SMPD2: variants seen among roughly 807,000 people sequenced by gnomAD.
SMPD2 encodes sphingomyelin phosphodiesterase 2.
SMPD2 carries 35 observed loss-of-function variants against 41.7 expected under a neutral mutation model. The ratio of observed to expected loss-of-function variants is 0.84; its 90% confidence interval spans 0.64 to 1.11. The LOEUF (loss-of-function observed/expected upper bound fraction) is 1.11. SMPD2 is among the 50% of genes most tolerant of loss of function. The pLI, the probability that SMPD2 is intolerant of heterozygous loss-of-function variation, is 0.00. For missense variants in SMPD2, 520 were observed against 524.8 expected (o/e 0.99, Z 0.09); for synonymous variants, 201 against 208.2 (o/e 0.97, Z 0.30).
At chr6:109,441,481 C>G in intron 2 of SMPD2, 28 bp downstream of exon 2, 1 of 1,612,658 alleles carries the variant, frequency 6.2e-7, no homozygotes. Context: ...GGTGCGGAAC[C>G]CAGGCTGGGA....
chr6:109,441,572 C>T lies in SMPD2; in HGVS notation c.168C>T (p.Phe56=). The change falls in exon 3 of 10, where the codon TTC becomes TTT. Residue 56 remains phenylalanine, a synonymous_variant. Transcript: ENST00000258052. ...CTCAGGTGTGGAGTGAGCAGGACTT[C>T]CAGTACCTGAGACAGAAGCTGTCAC... ...LLEEVWSEQD[F]QYLRQKLSPT... 1 of 1,614,198 alleles carries T rather than the reference C, an allele frequency of 6.2e-7. No individual in the cohort carries two copies. The highest frequency in any genetic ancestry group is 8.5e-7 in the Non-Finnish European group (1 of 1,180,014).
At position 109,442,852 on chromosome 6, in the gene SMPD2, C is replaced by T; in HGVS notation, c.592C>T (p.His198Tyr). The T allele has an allele frequency of 1.2e-6, 2 of 1,613,570 alleles. No individual in the cohort carries two copies. Among genetic ancestry groups the T allele is most frequent in the East Asian group, 2.2e-5 (1 of 44,870 alleles). The change falls in exon 7 of 10, where the codon CAT (histidine) becomes TAT (tyrosine). Residue 198 changes from histidine (H) to tyrosine (Y), a missense_variant. Coordinates refer to ENST00000258052, the MANE Select transcript of SMPD2 (RefSeq NM_003080.3). The part of the protein sequence containing the change: ...CCLLKEWTGL[H>Y]DAYLETRDFK... ...CCTGCTGAAGGAGTGGACAGGGCTT[C>T]ATGATGCCTATCTTGAAACTCGGGA...
chr6:109,441,667 G>T, intron 3 of SMPD2, 39 bp downstream of exon 3: 1 of 1,589,072 alleles, frequency 6.3e-7, no homozygotes, highest in Non-Finnish European at 8.6e-7. Context: ...TGTCATCCCA[G>T]GAGGCTCTTG....
chr6:109,441,556 G>T lies in SMPD2; in HGVS notation c.152G>T (p.Trp51Leu). 1 of 1,614,176 alleles carries T rather than the reference G, an allele frequency of 6.2e-7. No homozygotes were observed. The highest frequency in any genetic ancestry group is 1.6e-4 in the Middle Eastern group (1 of 6,062). ...CATCCTCACCGCTTCCCTCAGGTGT[G>T]GAGTGAGCAGGACTTCCAGTACCTG... ...SFDLALLEEVWSEQDFQYLRQ... is the reference protein window; with the variant it reads ...SFDLALLEEVLSEQDFQYLRQ... Residue 51 changes from tryptophan to leucine, a missense_variant, in exon 3 of 10, where the codon TGG (tryptophan) becomes TTG (leucine). Trp to Leu is a moderately conservative substitution (Grantham distance 61). Transcript: ENST00000258052.
rs1368169955 is a variant in SMPD2 at position 109,442,999 on chromosome 6, T to C, written c.647T>C (p.Met216Thr). ...DFKGSEEGNTMVPKNCYVSQQ... is the reference protein window; with the variant it reads ...DFKGSEEGNTTVPKNCYVSQQ... ...TAGGGCTCTGAGGAAGGCAACACAA[T>C]GGTACCCAAGAACTGCTACGTCAGC... Residue 216 changes from methionine to threonine, a missense_variant, in exon 8 of 10, where the codon ATG (methionine) becomes ACG (threonine). Met to Thr is a moderately conservative substitution (Grantham distance 81). Transcript: ENST00000258052. 1 of 1,614,152 alleles carries C rather than the reference T, an allele frequency of 6.2e-7. No individual in the cohort carries two copies. The highest frequency in any genetic ancestry group is 1.6e-4 in the Middle Eastern group (1 of 6,062).
At chr6:109,441,653 C>T (rs1256611350) in intron 3 of SMPD2, 25 bp downstream of exon 3, 2 of 1,609,594 alleles carry the variant, frequency 1.2e-6, no homozygotes, top group Non-Finnish European at 1.7e-6. Context: ...GGCCTGAAGC[C>T]TGTTGTCATC....
chr6:109,443,610 T>G lies in SMPD2; in HGVS notation c.977T>G (p.Phe326Cys). The change falls in exon 10 of 10, where the codon TTC becomes TGC. Residue 326 changes from phenylalanine (F) to cysteine (C), a missense_variant. Transcript: ENST00000258052. ...GCTCAGGCTCGCTGGTGGGCCACCT[T>G]CGCTAGCTATGTGATTGGCCTGGGG... ...GMAQARWWAT[F>C]ASYVIGLGLL... 1.9e-6 allele frequency: 3 copies of G among 1,613,926 alleles called. No homozygotes were observed. The highest frequency in any genetic ancestry group is 2.5e-6 in the Non-Finnish European group (3 of 1,179,974).
rs770511830 is a variant in SMPD2 at position 109,441,198 on chromosome 6, G to C, written c.50+27G>C. The C allele has an allele frequency of 3.7e-6, 6 of 1,613,212 alleles. No individual in the cohort carries two copies. The South Asian group carries it at 4.4e-5, about 12-fold the overall frequency. On this transcript the variant is annotated intron_variant, in intron 1 of 9. Transcript: ENST00000258052. ...TGAGTGCGTCTGCGGAGTGCGGTCTGGGGGCCACCTTCCGTTCGCACCCAT... is the reference window on the plus strand; with the variant it reads ...TGAGTGCGTCTGCGGAGTGCGGTCTCGGGGCCACCTTCCGTTCGCACCCAT...
At chr6:109,441,508 C>T in intron 2 of SMPD2, 44 bp from the exon 3 acceptor site, 1 of 1,612,542 alleles carries the variant, frequency 6.2e-7, no homozygotes, top group South Asian at 1.1e-5. Context: ...ACAGACCGTC[C>T]CACTGGGGAA....
Position 109,443,378 on chromosome 6 carries a change from G to A in SMPD2, c.841G>A (p.Val281Met). Residue 281 changes from valine (V) to methionine (M), a missense_variant, in exon 9 of 10, where the codon GTG (valine) becomes ATG (methionine). Physicochemically the swap from Val to Met is conservative, Grantham distance 21. Coordinates refer to ENST00000258052, the MANE Select transcript of SMPD2 (RefSeq NM_003080.3). ...TGAAGCCCTGATGGCTACTCTGTTT[G>A]TGAGGCACAGCCCCCCACAGCAGAA... is the stretch of plus-strand genomic sequence containing the variant. ...DHEALMATLFVRHSPPQQNPS... is the reference protein window; with the variant it reads ...DHEALMATLFMRHSPPQQNPS... 6.2e-7 allele frequency: 1 copy of A among 1,614,056 alleles called. No homozygotes were observed. The highest frequency in any genetic ancestry group is 8.5e-7 in the Non-Finnish European group (1 of 1,180,006).
rs761240997 is a variant in SMPD2, at chr6:109,443,335, C to CA, written c.799dup (p.Thr267AsnfsTer5). 6.2e-7 allele frequency: 1 copy of CA among 1,613,626 alleles called. No individual in the cohort carries two copies. The highest frequency in any genetic ancestry group is 1.1e-5 in the South Asian group (1 of 91,060). Reference sequence around the variant, plus strand: ...CTACAGGCTTTGACCCTCACAGGGGCACCCCCCTCTCTGATCATGAAGCCC... The same window carrying CA: ...CTACAGGCTTTGACCCTCACAGGGGCAACCCCCCTCTCTGATCATGAAGCCC... On this transcript the variant is annotated frameshift_variant, in exon 9 of 10. Transcript: ENST00000258052. LOFTEE classifies it high-confidence loss of function.
Position 109,443,020 on chromosome 6 carries a change from T to A in SMPD2, c.668T>A (p.Val223Asp). The stretch of plus-strand genomic sequence containing the variant: ...ACAATGGTACCCAAGAACTGCTACG[T>A]CAGCCAGCAGGAGCTGAAGCCATTT... ...GNTMVPKNCY[V>D]SQQELKPFPF... is the part of the protein sequence containing the mutation. Residue 223 changes from valine (V) to aspartate (D), a missense_variant, in exon 8 of 10, where the codon GTC becomes GAC. By Grantham distance (152) the Val-to-Asp change is radical (BLOSUM62 -3). Transcript: ENST00000258052. The A allele has an allele frequency of 1.2e-6, 2 of 1,614,234 alleles. No homozygotes were observed. The highest frequency in any genetic ancestry group is 1.7e-6 in the Non-Finnish European group (2 of 1,180,040).
In SMPD2 at chr6:109,442,021, A is replaced by C; in HGVS notation, c.272A>C (p.Gln91Pro). Residue 91 changes from glutamine to proline, a missense_variant, in exon 4 of 10, where the codon CAG becomes CCG. Gln to Pro is a moderately conservative substitution (Grantham distance 76). Coordinates refer to ENST00000258052, the MANE Select transcript of SMPD2 (RefSeq NM_003080.3). ...GLCVFSKHPI[Q>P]ELTQHIYTLN... ...TGTGTCTTCTCCAAACATCCAATCCAGGAGCTTACCCAGCACATCTACACT... is the reference window on the plus strand; with the variant it reads ...TGTGTCTTCTCCAAACATCCAATCCCGGAGCTTACCCAGCACATCTACACT... The C allele has an allele frequency of 1.9e-6, 3 of 1,614,176 alleles. No homozygotes were observed. In the South Asian group the frequency reaches 3.3e-5, roughly 18 times the overall value.
Position 109,441,398 on chromosome 6 carries a change from G to T in SMPD2, c.92G>T (p.Arg31Met). The T allele has an allele frequency of 6.2e-7, 1 of 1,614,148 alleles. No individual in the cohort carries two copies. The highest frequency in any genetic ancestry group is 1.7e-5 in the Admixed American group (1 of 60,028). The change falls in exon 2 of 10, where the codon AGG (arginine) becomes ATG (methionine). Residue 31 changes from arginine to methionine, a missense_variant. Transcript: ENST00000258052. ...AGCAAGCACCGGGCCGACCGCATGA[G>T]GCGCCTGGGAGACTTTCTGAACCAG... ...YLSKHRADRM[R>M]RLGDFLNQES...
Position 109,443,537 on chromosome 6 carries a change from T to C in SMPD2, c.904T>C (p.Leu302=). The C allele has an allele frequency of 6.2e-7, 1 of 1,612,566 alleles. No individual in the cohort carries two copies. The highest frequency in any genetic ancestry group is 8.5e-7 in the Non-Finnish European group (1 of 1,179,136). Residue 302 remains leucine (L), a synonymous_variant, in exon 10 of 10, where the codon TTG becomes CTG. Transcript: ENST00000258052. Reference sequence around the variant, plus strand: ...TGTAGGACCAGCAGAGAGGTCGCCGTTGATGTGTGTGCTAAAGGAGGCCTG... The same window carrying C: ...TGTAGGACCAGCAGAGAGGTCGCCGCTGATGTGTGTGCTAAAGGAGGCCTG... ...STHGPAERSP[L]MCVLKEAWTE...
chr6:109,441,308 C>G, intron 1 of SMPD2, 49 bp from the exon 2 acceptor site: 7 of 1,589,174 alleles, frequency 4.4e-6, no homozygotes, highest in Non-Finnish European at 6.0e-6. Context: ...GGCCCCAGCG[C>G]CGGTGGTCCC....
rs1308792048 is a variant in SMPD2, at chr6:109,440,799, G to T, written c.-323G>T. The T allele has an allele frequency of 4.4e-5, 16 of 364,926 alleles. No individual in the cohort carries two copies. Among genetic ancestry groups the T allele is most frequent in the Non-Finnish European group, 6.6e-5 (14 of 213,642 alleles). 22.6% of individuals were successfully genotyped at this position (364,926 alleles called of 1,614,324 possible). ...CGCCGGGGACGAGCTTGGAGGAAAA[G>T]GAACCGGGAGCCGCCCACCCGGGGG... is the stretch of plus-strand genomic sequence containing the variant. On this transcript the variant is annotated 5_prime_UTR_variant, in exon 1 of 10. The change creates a new upstream start codon in the 5' untranslated region. Transcript: ENST00000258052.
intron 5 of SMPD2, 73 bp from the exon 6 acceptor site, chr6:109,442,470 G>A (rs963359262): frequency 1.4e-6 from 2 of 1,444,504 alleles, no homozygotes; most frequent in Non-Finnish European, 9.6e-7. Context: ...CCAAGTGACA[G>A]ACACAGGCTT....
At position 109,442,551 on chromosome 6, in the gene SMPD2, C is replaced by A. The variant is rs749295859; in HGVS notation, c.417C>A (p.Ala139=). 7 of 1,612,412 alleles carry A rather than the reference C, an allele frequency of 4.3e-6. No homozygotes were observed. Among genetic ancestry groups the A allele is most frequent in the Non-Finnish European group, 5.9e-6 (7 of 1,178,946 alleles). The change falls in exon 6 of 10, where the codon GCC becomes GCA. Residue 139 remains alanine (A), a synonymous_variant. Transcript: ENST00000258052. ...VLNAYVTHLH[A]EYNRQKDIYL... is the part of the protein sequence containing the mutation. Reference sequence around the variant, plus strand: ...TCATCTATCTTGCTCAGCTCCATGCCGAATACAATCGACAGAAGGACATCT... The same window carrying A: ...TCATCTATCTTGCTCAGCTCCATGCAGAATACAATCGACAGAAGGACATCT...
Sources: allele counts gnomAD v4.1 joint callset, GRCh38; gene constraint gnomAD v4.1.1; transcripts MANE v1.5; gene names NCBI Gene and HGNC (gene_info 2026-07-23, HGNC 2026-07-21).